STRBP: variants seen among roughly 807,000 people sequenced by gnomAD.
The protein encoded by STRBP is spermatid perinuclear RNA-binding protein.
Under a neutral mutation model 80.1 loss-of-function variants are expected in STRBP, and 13 were observed. The observed-to-expected ratio is 0.16, with a 90% CI of 0.11 to 0.26. The LOEUF (loss-of-function observed/expected upper bound fraction) is 0.26. Ranked by LOEUF, STRBP falls within the 10% of genes least tolerant of loss-of-function variation. The pLI is 1.00. For synonymous variants in STRBP, 284 were observed against 291.2 expected, an observed-to-expected ratio of 0.98 and a Z score of 0.25; for missense variants, 485 against 815.2, an observed-to-expected ratio of 0.59 and a Z score of 4.93.
chr9:123,259,648 G>A (rs1324214935), intron 1 of STRBP, among the ~76,000 whole-genome samples: 1 of 152,202 alleles, frequency 6.6e-6, no homozygotes, highest in Non-Finnish European at 1.5e-5. Flanking sequence ...AGCAGAGGTT[G>A]CGGTAAGCCG....
At chr9:123,247,935 C>T (rs950526446) in intron 1 of STRBP, among the ~76,000 whole-genome samples, 10 of 152,004 alleles carry the variant, frequency 6.6e-5, no homozygotes, top group African/African-American at 2.4e-4. Context: ...ATAATAGTTG[C>T]CATGAGTGCC....
intron 13 of STRBP, among the ~76,000 whole-genome samples, chr9:123,142,929 A>G (rs1343247542): frequency 4.6e-5 from 7 of 152,208 alleles, no homozygotes; most frequent in Non-Finnish European, 7.3e-5. Flanking sequence ...TCACTCATGG[A>G]AACAAGGTGA....
chr9:123,260,143 T>C (rs934556605), intron 1 of STRBP, among the ~76,000 whole-genome samples: 1 of 152,174 alleles, frequency 6.6e-6, no homozygotes, highest in Non-Finnish European at 1.5e-5. Context: ...AAATATAGTA[T>C]GTGTGTGCCA....
chr9:123,157,978 AC>A (rs1408988953), intron 11 of STRBP, 33 bp downstream of exon 11: 2 of 1,488,492 alleles, frequency 1.3e-6, no homozygotes, highest in Non-Finnish European at 1.9e-6. Flanking sequence ...ACCAGTGCCA[AC>A]CCCCAACCCT....
intron 2 of STRBP, among the ~76,000 whole-genome samples, chr9:123,197,192 CAATT>C (rs1212046483): frequency 6.6e-6 from 1 of 151,850 alleles, no homozygotes; most frequent in Non-Finnish European, 1.5e-5. Flanking sequence ...AAAAATTAAA[CAATT>C]AAACTCAAAG....
intron 1 of STRBP, among the ~76,000 whole-genome samples, chr9:123,238,973 A>T (rs1408019606): frequency 2.0e-5 from 3 of 152,250 alleles, no homozygotes; most frequent in Non-Finnish European, 4.4e-5. Context: ...CAAAAGTTTC[A>T]GAATGAGAAT....
At chr9:123,206,076 C>T (rs1027610829) in intron 2 of STRBP, among the ~76,000 whole-genome samples, 4 of 152,130 alleles carry the variant, frequency 2.6e-5, no homozygotes, top group Non-Finnish European at 2.9e-5. Context: ...CTAACGTGTT[C>T]GCCAATTGTG....
At chr9:123,137,824 T>G (rs1286990952) in intron 14 of STRBP, among the ~76,000 whole-genome samples, 1 of 152,190 alleles carries the variant, frequency 6.6e-6, no homozygotes, top group Admixed American at 6.5e-5. Context: ...CAAAGGACAA[T>G]TTTTAAGGAC....
intron 2 of STRBP, among the ~76,000 whole-genome samples, chr9:123,205,280 T>C (rs1303663186): frequency 6.6e-6 from 1 of 152,122 alleles, no homozygotes; most frequent in Non-Finnish European, 1.5e-5. Flanking sequence ...ACAAAAAGAA[T>C]TCAAATATTC....
intron 4 of STRBP, among the ~76,000 whole-genome samples, chr9:123,178,167 A>G (rs1268558809): frequency 6.6e-6 from 1 of 152,224 alleles, no homozygotes; most frequent in African/African-American, 2.4e-5. Context: ...CCATTTATCA[A>G]TACTTTCCTA....
intron 1 of STRBP, among the ~76,000 whole-genome samples, chr9:123,240,619 C>T (rs982006634): frequency 2.0e-5 from 3 of 152,124 alleles, no homozygotes; most frequent in African/African-American, 4.8e-5. Context: ...TAACTTTAGT[C>T]GCAAACATAC....
In STRBP at chr9:123,158,319, C is replaced by T; in HGVS notation, c.933+13G>A. On this transcript the variant is annotated intron_variant, in intron 10 of 18. Coordinates refer to ENST00000348403, the MANE Select transcript of STRBP (RefSeq NM_018387.5). ...TTCACTAATAAGTCAGAGTGGCATG[C>T]TCAATCTTCTACCTGTGCACTGTGG... 1 of 1,610,454 alleles carries T rather than the reference C, an allele frequency of 6.2e-7. No individual in the cohort carries two copies. The highest frequency in any genetic ancestry group is 1.7e-5 in the Admixed American group (1 of 59,884).
intron 6 of STRBP, among the ~76,000 whole-genome samples, chr9:123,162,439 A>G (rs2037562201): frequency 6.6e-6 from 1 of 152,050 alleles, no homozygotes; most frequent in Admixed American, 6.5e-5. Context: ...GCTGGTCTCA[A>G]ACTCCTGGAC....
In STRBP at chr9:123,122,529, C is replaced by T. The variant is rs547179423; in HGVS notation, c.*3068G>A. The T allele has an allele frequency of 5.1e-6, 6 of 1,176,012 alleles. No individual in the cohort carries two copies. In the East Asian group the frequency reaches 1.8e-4, roughly 35 times the overall value. 72.8% of individuals were successfully genotyped at this position (1,176,012 alleles called of 1,614,324 possible). A position where few individuals can be genotyped will look rare whatever the true frequency, so the allele number is the denominator to read the frequency against. The stretch of plus-strand genomic sequence containing the variant: ...CTAACAATTTGAGAGAGACTACAAA[C>T]GACTTCAGAACTATATAAACTCAAC... On this transcript the variant is annotated 3_prime_UTR_variant, in exon 19 of 19. Transcript: ENST00000348403.
intron 2 of STRBP, among the ~76,000 whole-genome samples, chr9:123,208,388 C>T (rs1482957105): frequency 1.3e-5 from 2 of 152,160 alleles, no homozygotes; most frequent in South Asian, 2.1e-4. Flanking sequence ...CTGCTTTCTC[C>T]GCAGATTTCA....
intron 8 of STRBP, among the ~76,000 whole-genome samples, chr9:123,159,727 T>C (rs1017185334): frequency 2.0e-5 from 3 of 152,238 alleles, no homozygotes; most frequent in South Asian, 4.1e-4. Context: ...AAAGTAATCA[T>C]TGCTACATTC....
intron 3 of STRBP, among the ~76,000 whole-genome samples, chr9:123,179,798 A>G (rs1199993785): frequency 6.6e-6 from 1 of 152,134 alleles, no homozygotes; most frequent in Non-Finnish European, 1.5e-5. Context: ...CACATTCTGA[A>G]TACTACTTCA....
At chr9:123,226,166 T>C (rs1016007011) in intron 2 of STRBP, among the ~76,000 whole-genome samples, 2 of 152,198 alleles carry the variant, frequency 1.3e-5, no homozygotes, top group African/African-American at 4.8e-5. Context: ...TGAAAGAGGT[T>C]TGACTAAAAA....
chr9:123,260,963 CCAAA>C (rs2041148734), intron 1 of STRBP, among the ~76,000 whole-genome samples: 1 of 152,158 alleles, frequency 6.6e-6, no homozygotes, highest in South Asian at 2.1e-4. Context: ...TTTATAGCTT[CCAAA>C]CAATTTTCTT....
Sources: gnomAD v4.1 joint callset for allele counts (sites outside exome capture counted in the v4.1 genomes callset) on GRCh38, gnomAD v4.1.1 for gene constraint, MANE v1.5 for transcripts, NCBI Gene and HGNC (gene_info 2026-07-23, HGNC 2026-07-21) for gene names.